EGFLAM: variants seen among roughly 807,000 people sequenced by gnomAD.
The protein encoded by EGFLAM is EGF like, fibronectin type III and laminin G domains.
In EGFLAM, 79 loss-of-function variants were observed where a neutral mutation model predicts 113.1. The observed-to-expected ratio is 0.70, with a 90% CI of 0.58 to 0.84. EGFLAM has a LOEUF of 0.84. EGFLAM is among the 40% of genes least tolerant of loss of function. The probability of loss-of-function intolerance (pLI) is 0.00; values close to 1 mark genes in which losing one functional copy is unlikely to be tolerated. For missense variants in EGFLAM, 1,265 were observed against 1,291.6 expected, an observed-to-expected ratio of 0.98 and a Z score of 0.32; for synonymous variants, 504 against 487.6, an observed-to-expected ratio of 1.03 and a Z score of -0.44.
chr5:38,413,628 T>A (rs1207065099), intron 11 of EGFLAM, among the ~76,000 whole-genome samples: 1 of 152,144 alleles, frequency 6.6e-6, no homozygotes, highest in Non-Finnish European at 1.5e-5. Flanking sequence ...AGCCTATAAT[T>A]ATAATCAGGC....
chr5:38,427,744 A>G (rs1202917574), intron 14 of EGFLAM, among the ~76,000 whole-genome samples: 1 of 152,204 alleles, frequency 6.6e-6, no homozygotes. Context: ...CTATTTCTTT[A>G]ATGGAAATTG....
chr5:38,402,439 G>A (rs1038974300), intron 6 of EGFLAM, among the ~76,000 whole-genome samples: 1 of 152,140 alleles, frequency 6.6e-6, no homozygotes, highest in African/African-American at 2.4e-5. Flanking sequence ...TAACTTAAGC[G>A]ATGTATGAAA....
At chr5:38,412,274 A>G (rs758013200) in intron 10 of EGFLAM, among the ~76,000 whole-genome samples, 6 of 152,198 alleles carry the variant, frequency 3.9e-5, no homozygotes, top group Non-Finnish European at 8.8e-5. Flanking sequence ...AAGGCCCTGC[A>G]TGGAAAGGTC....
chr5:38,340,034 C>T (rs1439157902), intron 3 of EGFLAM, among the ~76,000 whole-genome samples: 3 of 152,184 alleles, frequency 2.0e-5, no homozygotes, highest in Non-Finnish European at 2.9e-5. Context: ...TCCTGCAGGG[C>T]TCACTGCTTG....
At chr5:38,318,494 A>T (rs1046730629) in intron 1 of EGFLAM, among the ~76,000 whole-genome samples, 1 of 151,738 alleles carries the variant, frequency 6.6e-6, no homozygotes, top group African/African-American at 2.4e-5. Flanking sequence ...TATACTCTCT[A>T]TACTATCTAG....
intron 6 of EGFLAM, among the ~76,000 whole-genome samples, chr5:38,383,972 G>T (rs530818309): frequency 6.6e-6 from 1 of 152,026 alleles, no homozygotes; most frequent in African/African-American, 2.4e-5. Context: ...GGGTCAGAGC[G>T]TGTCAAATCT....
At chr5:38,440,806 C>T (rs547869844) in intron 17 of EGFLAM, among the ~76,000 whole-genome samples, 1 of 152,168 alleles carries the variant, frequency 6.6e-6, no homozygotes, top group Non-Finnish European at 1.5e-5. Context: ...ATAACCAGCA[C>T]CAGGGCTCAT....
chr5:38,271,951 C>G (rs979813169), intron 1 of EGFLAM, among the ~76,000 whole-genome samples: 2 of 152,214 alleles, frequency 1.3e-5, no homozygotes, highest in African/African-American at 2.4e-5. Context: ...TTAATTTGAT[C>G]CTATTCCAAG....
chr5:38,333,979 A>C (rs1739120814), intron 1 of EGFLAM, among the ~76,000 whole-genome samples: 1 of 120,822 alleles, frequency 8.3e-6, no homozygotes, highest in Non-Finnish European at 1.6e-5. Flanking sequence ...GCTGGAATGC[A>C]GTGGTGAGAT....
At position 38,451,461 on chromosome 5, in the gene EGFLAM, A is replaced by C; in HGVS notation, c.2687+3A>C. On this transcript the variant is annotated splice_donor_region_variant and intron_variant, in intron 19 of 21. Transcript: ENST00000322350. ...CGGGATGGAGCCCTCGTGTTCAGGT[A>C]ACCCCCTCTCCATCTGCCTTCAGCA... The C allele has an allele frequency of 6.2e-7, 1 of 1,613,734 alleles. No homozygotes were observed. Among genetic ancestry groups the C allele is most frequent in the Non-Finnish European group, 8.5e-7 (1 of 1,179,752 alleles).
intron 5 of EGFLAM, among the ~76,000 whole-genome samples, chr5:38,360,665 A>G (rs749532798): frequency 6.6e-6 from 1 of 152,110 alleles, no homozygotes; most frequent in Non-Finnish European, 1.5e-5. Context: ...TTATTATGAA[A>G]TTACATGAGT....
At chr5:38,262,003 A>G (rs1757511539) in intron 1 of EGFLAM, among the ~76,000 whole-genome samples, 1 of 152,180 alleles carries the variant, frequency 6.6e-6, no homozygotes, top group Non-Finnish European at 1.5e-5. Flanking sequence ...CACTCATTGG[A>G]TAGCCTTCAT....
intron 6 of EGFLAM, among the ~76,000 whole-genome samples, chr5:38,380,257 G>A (rs7716864): frequency 0.13 from 19,942 of 152,180 alleles, 1,376 homozygotes; most frequent in Admixed American, 0.16. Context: ...CAGGAAATTT[G>A]GTAAATCCCC....
intron 5 of EGFLAM, among the ~76,000 whole-genome samples, chr5:38,354,215 C>T (rs1739703940): frequency 6.6e-6 from 1 of 151,888 alleles, no homozygotes; most frequent in Non-Finnish European, 1.5e-5. Flanking sequence ...TACGCCCCTG[C>T]CATTGAACAG....
At chr5:38,309,281 T>C (rs1033770888) in intron 1 of EGFLAM, among the ~76,000 whole-genome samples, 1 of 152,210 alleles carries the variant, frequency 6.6e-6, no homozygotes, top group East Asian at 1.9e-4. Flanking sequence ...TTGGCCATGG[T>C]ATGAGTATTT....
chr5:38,383,991 C>CTT (rs1259614348), intron 6 of EGFLAM, among the ~76,000 whole-genome samples: 6 of 151,976 alleles, frequency 3.9e-5, no homozygotes, highest in African/African-American at 1.5e-4. Flanking sequence ...CTTATAGGTC[C>CTT]TGATGAAGAC....
intron 1 of EGFLAM, among the ~76,000 whole-genome samples, chr5:38,269,612 C>T (rs1457908641): frequency 6.6e-6 from 1 of 151,890 alleles, no homozygotes; most frequent in Non-Finnish European, 1.5e-5. Flanking sequence ...GCCTCAGCCT[C>T]CCGAGTAGCT....
chr5:38,412,459 G>T, intron 10 of EGFLAM, 45 bp from the exon 11 acceptor site: 1 of 1,613,738 alleles, frequency 6.2e-7, no homozygotes, highest in South Asian at 1.1e-5. Flanking sequence ...AAACATAATG[G>T]CCTGGTTCGT....
chr5:38,261,680 T>C (rs1757504167), intron 1 of EGFLAM, among the ~76,000 whole-genome samples: 1 of 152,210 alleles, frequency 6.6e-6, no homozygotes, highest in Non-Finnish European at 1.5e-5. Context: ...GCTGCTGTTT[T>C]GTGTGGGGAT....
Sources: gnomAD v4.1 joint callset for allele counts (sites outside exome capture counted in the v4.1 genomes callset) on GRCh38, gnomAD v4.1.1 for gene constraint, MANE v1.5 for transcripts, NCBI Gene and HGNC (gene_info 2026-07-23, HGNC 2026-07-21) for gene names.